Variants in SLC22A3 observed in about 807,000 individuals in gnomAD.
The protein encoded by SLC22A3 is EMT organic cation transporter 3.
In SLC22A3, 51 loss-of-function variants were observed where a neutral mutation model predicts 59.1. That is an observed-to-expected ratio of 0.86 (90% CI 0.69 to 1.09). The LOEUF (loss-of-function observed/expected upper bound fraction) is 1.09. Ranked by LOEUF, SLC22A3 falls within the 50% of genes least tolerant of loss-of-function variation. SLC22A3 has a pLI of 0.00. For synonymous variants in SLC22A3, 325 were observed against 292.0 expected (o/e 1.11, Z -1.15); for missense variants, 711 against 726.3 (o/e 0.98, Z 0.24).
intron 1 of SLC22A3, among the ~76,000 whole-genome samples, chr6:160,397,518 G>A (rs1326032428): frequency 6.6e-6 from 1 of 151,994 alleles, no homozygotes; most frequent in Non-Finnish European, 1.5e-5. Flanking sequence ...GGCAGATTAC[G>A]AGGTCAAGAG....
chr6:160,410,729 G>C lies in SLC22A3; in HGVS notation c.858G>C (p.Trp286Cys). Residue 286 changes from tryptophan (W) to cysteine (C), a missense_variant and splice_region_variant, in exon 5 of 11, where the codon TGG becomes TGC. Coordinates refer to ENST00000275300, the MANE Select transcript of SLC22A3 (RefSeq NM_021977.4). ...LPSFLFLLYY[W>C]VVPESPRWLI... ...TCACAACAGCCTCCTTCTTTGCCAG[G>C]GTGGTCCCTGAGTCTCCCCGTTGGC... 1 of 1,604,354 alleles carries C rather than the reference G, an allele frequency of 6.2e-7. No individual in the cohort carries two copies. The highest frequency in any genetic ancestry group is 8.5e-7 in the Non-Finnish European group (1 of 1,171,508).
At chr6:160,387,837 A>G (rs755860319) in intron 1 of SLC22A3, among the ~76,000 whole-genome samples, 11 of 152,294 alleles carry the variant, frequency 7.2e-5, no homozygotes, top group Non-Finnish European at 1.0e-4. Flanking sequence ...TGTGCATTTC[A>G]CCCTTGTCCT....
At chr6:160,383,492 C>A (rs1197893623) in intron 1 of SLC22A3, among the ~76,000 whole-genome samples, 2 of 152,298 alleles carry the variant, frequency 1.3e-5, no homozygotes, top group East Asian at 3.9e-4. Context: ...TCAATGAAAA[C>A]TCCTTCCCCA....
intron 5 of SLC22A3, chr6:160,425,706 A>T: frequency 2.0e-6 from 1 of 512,586 alleles, no homozygotes; most frequent in Non-Finnish European, 2.5e-6. Context: ...TGATTGATGT[A>T]CACATAGCCT....
rs1367005024 is a variant in SLC22A3, at chr6:160,443,700, C to T, written c.1468C>T (p.Arg490Trp). 14 of 1,613,740 alleles carry T rather than the reference C, an allele frequency of 8.7e-6. No individual in the cohort carries two copies. The highest frequency in any genetic ancestry group is 2.2e-5 in the East Asian group (1 of 44,872). The change falls in exon 9 of 11, where the codon CGG becomes TGG. Residue 490 changes from arginine to tryptophan, a missense_variant. Arg to Trp is a moderately radical substitution (Grantham distance 101). Transcript: ENST00000275300. ...AATCATAGCCCCATTTCTGCTCTTT[C>T]GGCTAGCAGCCGTGTGGCTAGAACT... is the stretch of plus-strand genomic sequence containing the variant. The part of the protein sequence containing the change: ...GGIIAPFLLF[R>W]LAAVWLELPL...
intron 5 of SLC22A3, chr6:160,426,345 T>C: frequency 1.0e-6 from 1 of 985,408 alleles, no homozygotes. Context: ...TTCTTGTTTT[T>C]TGAGGGGTGC....
chr6:160,357,420 C>T (rs1784878159), intron 1 of SLC22A3, among the ~76,000 whole-genome samples: 1 of 152,164 alleles, frequency 6.6e-6, no homozygotes. Flanking sequence ...GGGCAATCGA[C>T]AGCACAAAAT....
chr6:160,361,898 C>G lies in SLC22A3; in HGVS notation c.429+13050C>G, dbSNP rs1352084668. Among the ~76,000 whole-genome samples the G allele has an allele frequency of 2.0e-5, 3 of 152,332 alleles. No homozygotes were observed. In the East Asian group the frequency reaches 5.8e-4, roughly 29 times the overall value. ...TAAGCACATGAAGAAATGTGTGTGT[C>G]TGGGGAGCTTTCCCCTTCTAATACT... On this transcript the variant is annotated intron_variant, in intron 1 of 10. Coordinates refer to ENST00000275300, the MANE Select transcript of SLC22A3 (RefSeq NM_021977.4).
chr6:160,350,790 A>C (rs140153244), intron 1 of SLC22A3, among the ~76,000 whole-genome samples: 8 of 152,282 alleles, frequency 5.3e-5, no homozygotes, highest in African/African-American at 1.9e-4. Context: ...GGGTTACAAT[A>C]AGGTGATTTT....
intron 5 of SLC22A3, chr6:160,425,767 A>C (rs747170047): frequency 1.8e-5 from 17 of 951,840 alleles, no homozygotes; most frequent in Admixed American, 1.2e-4. Context: ...TATGGAAACT[A>C]GTCTATATAT....
At chr6:160,447,648 T>C in intron 9 of SLC22A3, 71 bp from the exon 10 acceptor site, 2 of 1,283,460 alleles carry the variant, frequency 1.6e-6, no homozygotes, top group South Asian at 2.4e-5. Flanking sequence ...GGCTTCAGAG[T>C]GAGCAGGCCC....
At chr6:160,404,114 G>A (rs1786905231) in intron 2 of SLC22A3, among the ~76,000 whole-genome samples, 1 of 151,790 alleles carries the variant, frequency 6.6e-6, no homozygotes, top group Non-Finnish European at 1.5e-5. Context: ...TATACTGATT[G>A]GAAAGGAAGA....
At chr6:160,414,932 G>A (rs1185350850) in intron 5 of SLC22A3, among the ~76,000 whole-genome samples, 3 of 152,142 alleles carry the variant, frequency 2.0e-5, no homozygotes, top group African/African-American at 7.2e-5. Flanking sequence ...GGCACACGCA[G>A]CTTATCCAGA....
chr6:160,390,297 G>T (rs1786202389), intron 1 of SLC22A3, among the ~76,000 whole-genome samples: 1 of 152,134 alleles, frequency 6.6e-6, no homozygotes, highest in Admixed American at 6.5e-5. Flanking sequence ...GCGGCAGGAA[G>T]GAGGGAGAGC....
intron 5 of SLC22A3, among the ~76,000 whole-genome samples, chr6:160,434,820 G>A (rs73592925): frequency 2.3e-3 from 347 of 152,272 alleles, no homozygotes; most frequent in African/African-American, 7.8e-3. Context: ...TTAAGATCCA[G>A]GTCAACTTGC....
rs1461913740 is a variant in SLC22A3 at position 160,408,745 on chromosome 6, T to C, written c.689-8T>C. On this transcript the variant is annotated splice_polypyrimidine_tract_variant and splice_region_variant and intron_variant, in intron 3 of 10. Coordinates refer to ENST00000275300, the MANE Select transcript of SLC22A3 (RefSeq NM_021977.4). ...CTTCTGTGACCTCTTGTGTTTGTTT[T>C]CCTTTAGTGACAGAAATAGTAGGTT... 2 of 1,613,508 alleles carry C rather than the reference T, an allele frequency of 1.2e-6. No homozygotes were observed. Among genetic ancestry groups the C allele is most frequent in the African/African-American group, 2.7e-5 (2 of 75,016 alleles).
At chr6:160,364,362 C>T (rs1785130800) in intron 1 of SLC22A3, among the ~76,000 whole-genome samples, 1 of 152,166 alleles carries the variant, frequency 6.6e-6, no homozygotes, top group Non-Finnish European at 1.5e-5. Flanking sequence ...TATTATTTTG[C>T]CAAATGCAGA....
At chr6:160,366,343 C>T (rs994684067) in intron 1 of SLC22A3, among the ~76,000 whole-genome samples, 1 of 152,280 alleles carries the variant, frequency 6.6e-6, no homozygotes, top group Admixed American at 6.5e-5. Context: ...GAAAAATTGG[C>T]CAAAATAAAG....
At chr6:160,365,001 C>G (rs1229904702) in intron 1 of SLC22A3, among the ~76,000 whole-genome samples, 1 of 151,950 alleles carries the variant, frequency 6.6e-6, no homozygotes, top group African/African-American at 2.4e-5. Context: ...AAAAAATACA[C>G]TTACATAGTA....
Sources: allele counts gnomAD v4.1 joint callset (sites outside exome capture counted in the v4.1 genomes callset), GRCh38; gene constraint gnomAD v4.1.1; transcripts MANE v1.5; gene names NCBI Gene and HGNC (gene_info 2026-07-23, HGNC 2026-07-21).